OXR1: variants seen among roughly 807,000 people sequenced by gnomAD.
The protein encoded by OXR1 is oxidation resistance protein 1.
A neutral mutation model predicts 104.6 loss-of-function variants in OXR1; 41 were observed. That is an observed-to-expected ratio of 0.39 (90% confidence interval 0.31 to 0.51). The LOEUF is 0.51. Ranked by LOEUF, OXR1 falls within the 20% of genes least tolerant of loss-of-function variation. The pLI, the probability that OXR1 is intolerant of heterozygous loss-of-function variation, is 0.77. For synonymous variants in OXR1, 348 were observed against 348.4 expected (o/e 1.00, Z 0.01); for missense variants, 955 against 1,031.9 (o/e 0.93, Z 1.02).
intron 2 of OXR1, among the ~76,000 whole-genome samples, chr8:106,366,823 T>C (rs1166754093): frequency 6.6e-6 from 1 of 151,204 alleles, no homozygotes; most frequent in Non-Finnish European, 1.5e-5. Flanking sequence ...AGAGACAGAG[T>C]AGAGTAACTC....
At chr8:106,421,451 A>G (rs1324433181) in intron 2 of OXR1, among the ~76,000 whole-genome samples, 1 of 152,164 alleles carries the variant, frequency 6.6e-6, no homozygotes, top group Non-Finnish European at 1.5e-5. Context: ...TTCTGGGCCC[A>G]TTGTAAGCCT....
chr8:106,740,256 A>G, intron 13 of OXR1, 87 bp from the exon 14 acceptor site: 1 of 897,042 alleles, frequency 1.1e-6, no homozygotes, highest in Non-Finnish European at 1.7e-6. Flanking sequence ...TATATTATAT[A>G]GGCACCATTA....
chr8:106,542,900 G>A (rs1211996125), intron 3 of OXR1, among the ~76,000 whole-genome samples: 1 of 152,054 alleles, frequency 6.6e-6, no homozygotes, highest in Non-Finnish European at 1.5e-5. Flanking sequence ...TTCATAAATA[G>A]ATAGTTTGTG....
At chr8:106,405,648 A>T (rs1818207292) in intron 2 of OXR1, among the ~76,000 whole-genome samples, 1 of 152,100 alleles carries the variant, frequency 6.6e-6, no homozygotes, top group Non-Finnish European at 1.5e-5. Context: ...TTGCTAGAGG[A>T]TGAGAGAGTA....
chr8:106,572,914 A>T (rs1817577918), intron 3 of OXR1, among the ~76,000 whole-genome samples: 1 of 152,118 alleles, frequency 6.6e-6, no homozygotes, highest in Admixed American at 6.5e-5. Context: ...AACTCCCAAG[A>T]TCTGTAGTCA....
chr8:106,334,500 C>T (rs1392270325), intron 1 of OXR1, among the ~76,000 whole-genome samples: 2 of 152,146 alleles, frequency 1.3e-5, no homozygotes, highest in Non-Finnish European at 2.9e-5. Context: ...CTTTCTCGTT[C>T]CTGATCTTAG....
chr8:106,731,603 C>T lies in OXR1; in HGVS notation c.1957-5917C>T, dbSNP rs535760009. On this transcript the variant is annotated intron_variant, in intron 11 of 16. Transcript: ENST00000517566. Reference sequence around the variant, plus strand: ...GACTTTGTCTCAATTGACTGTTCTGCAGGTGGATATCCAGTTGTTCCAATA... The same window carrying T: ...GACTTTGTCTCAATTGACTGTTCTGTAGGTGGATATCCAGTTGTTCCAATA... 3.9e-5 allele frequency among the ~76,000 whole-genome samples: 6 copies of T among 152,182 alleles called. No homozygotes were observed. In the South Asian group the frequency reaches 1.2e-3, roughly 32 times the overall value.
intron 3 of OXR1, 75 bp downstream of exon 3, chr8:106,519,214 T>C: frequency 2.2e-6 from 2 of 925,498 alleles, no homozygotes; most frequent in Non-Finnish European, 1.6e-6. Context: ...TGGGTCTGTT[T>C]AGTTAAGTGG....
chr8:106,705,979 T>C (rs919012607), intron 8 of OXR1, among the ~76,000 whole-genome samples: 6 of 152,130 alleles, frequency 3.9e-5, no homozygotes, highest in Non-Finnish European at 5.9e-5. Flanking sequence ...TTTTACTTTA[T>C]TGGGAGATTT....
At chr8:106,430,595 A>G (rs74381203) in intron 2 of OXR1, among the ~76,000 whole-genome samples, 2,064 of 152,306 alleles carry the variant, frequency 0.014, 43 homozygotes, top group African/African-American at 0.045. Flanking sequence ...AAACTAAGAC[A>G]GATCCATAGA....
At chr8:106,586,383 C>G (rs1818632562) in intron 3 of OXR1, among the ~76,000 whole-genome samples, 1 of 152,072 alleles carries the variant, frequency 6.6e-6, no homozygotes, top group Non-Finnish European at 1.5e-5. Flanking sequence ...AAGTTTTGAC[C>G]TGAGAATATA....
chr8:106,659,684 T>C (rs955464738), intron 3 of OXR1, among the ~76,000 whole-genome samples: 1 of 152,228 alleles, frequency 6.6e-6, no homozygotes, highest in Non-Finnish European at 1.5e-5. Flanking sequence ...AGTATTTTAA[T>C]AAATATGGCC....
chr8:106,337,302 A>C (rs1815007247), intron 1 of OXR1, among the ~76,000 whole-genome samples: 1 of 152,190 alleles, frequency 6.6e-6, no homozygotes, highest in Non-Finnish European at 1.5e-5. Context: ...TAAAAATTGG[A>C]AGTAAGAGCT....
intron 3 of OXR1, among the ~76,000 whole-genome samples, chr8:106,678,959 G>T (rs1275457429): frequency 6.6e-6 from 1 of 151,964 alleles, no homozygotes; most frequent in Non-Finnish European, 1.5e-5. Flanking sequence ...CTTCCTTTCT[G>T]TTGACAATTA....
chr8:106,554,614 A>G (rs556919932), intron 3 of OXR1, among the ~76,000 whole-genome samples: 2 of 152,322 alleles, frequency 1.3e-5, no homozygotes, highest in South Asian at 4.1e-4. Context: ...TAATGCCATT[A>G]TTGCAACTTT....
chr8:106,710,161 A>G (rs1028030387), intron 9 of OXR1, among the ~76,000 whole-genome samples: 1 of 152,166 alleles, frequency 6.6e-6, no homozygotes, highest in Non-Finnish European at 1.5e-5. Flanking sequence ...ACAATTTTGT[A>G]TACATGTAAA....
rs1005254057 is a variant in OXR1 at position 106,715,352 on chromosome 8, A to T, written c.1956+1367A>T. Among the ~76,000 whole-genome samples the T allele has an allele frequency of 2.7e-5, 4 of 150,762 alleles. No individual in the cohort carries two copies. In the Admixed American group the frequency reaches 2.7e-4, roughly 10 times the overall value. The stretch of plus-strand genomic sequence containing the variant: ...TTATTGCGTTCTGGGGATGTTCTAT[A>T]TGTTACTCTCAGTGGTGGTTACTTG... On this transcript the variant is annotated intron_variant, in intron 11 of 16. Transcript: ENST00000517566.
At chr8:106,397,030 A>G (rs1051204154) in intron 2 of OXR1, among the ~76,000 whole-genome samples, 4 of 152,088 alleles carry the variant, frequency 2.6e-5, no homozygotes, top group African/African-American at 4.8e-5. Flanking sequence ...ATATGCTACT[A>G]TTTATATTAA....
At chr8:106,744,428 A>T (rs1356899879) in intron 15 of OXR1, among the ~76,000 whole-genome samples, 2 of 152,310 alleles carry the variant, frequency 1.3e-5, no homozygotes, top group African/African-American at 2.4e-5. Flanking sequence ...AATACTTGGG[A>T]TGGCACCAAA....
Sources: gnomAD v4.1 joint callset for allele counts (sites outside exome capture counted in the v4.1 genomes callset) on GRCh38, gnomAD v4.1.1 for gene constraint, MANE v1.5 for transcripts, NCBI Gene and HGNC (gene_info 2026-07-23, HGNC 2026-07-21) for gene names.